SV2C: variants seen among roughly 807,000 people sequenced by gnomAD.
SV2C encodes the protein solute carrier family 22 member B3.
In SV2C, 49 loss-of-function variants were observed where a neutral mutation model predicts 79.7. The observed-to-expected ratio is 0.61, with a 90% confidence interval of 0.49 to 0.78. The LOEUF is 0.78. SV2C is among the 30% of genes least tolerant of loss of function. The probability of loss-of-function intolerance (pLI) is 0.00; values close to 1 mark genes in which losing one functional copy is unlikely to be tolerated. For missense variants in SV2C, 833 were observed against 912.9 expected (o/e 0.91, Z 1.13); for synonymous variants, 334 against 333.2 (o/e 1.00, Z -0.03).
exon 13 of SV2C, chr5:76,353,205 A>C (rs1471318848): frequency 2.5e-6 from 1 of 401,454 alleles, no homozygotes; most frequent in Non-Finnish European, 5.1e-6. Flanking sequence ...TCAGCCTCCC[A>C]AAGTTCTGGG....
chr5:76,203,980 A>G (rs952742221), intron 3 of SV2C, among the ~76,000 whole-genome samples: 3 of 152,202 alleles, frequency 2.0e-5, no homozygotes, highest in Non-Finnish European at 4.4e-5. Context: ...GATAGCAAAC[A>G]TGTGCCTTCT....
the SV2C span, among the ~76,000 whole-genome samples, chr5:75,998,066 T>C: frequency 6.6e-6 from 1 of 152,028 alleles, no homozygotes; most frequent in Non-Finnish European, 1.5e-5. Context: ...CTGCAAACCA[T>C]CATTCTCAGC....
intron 12 of SV2C, among the ~76,000 whole-genome samples, chr5:76,305,129 C>T (rs1488443621): frequency 6.6e-6 from 1 of 152,094 alleles, no homozygotes; most frequent in Non-Finnish European, 1.5e-5. Flanking sequence ...CTCACCATTG[C>T]GAGGACAGTA....
At chr5:76,179,175 T>C (rs1474380254) in intron 2 of SV2C, among the ~76,000 whole-genome samples, 1 of 152,194 alleles carries the variant, frequency 6.6e-6, no homozygotes, top group African/African-American at 2.4e-5. Context: ...ACTATGAATG[T>C]GCAGTTGAAG....
intron 2 of SV2C, among the ~76,000 whole-genome samples, chr5:76,175,814 G>A (rs572785271): frequency 1.3e-5 from 2 of 152,236 alleles, no homozygotes; most frequent in South Asian, 2.1e-4. Flanking sequence ...GAAAGCCAGC[G>A]TGTGTGTCCC....
chr5:76,291,239 C>T lies in SV2C; in HGVS notation c.1156C>T (p.Pro386Ser). The T allele has an allele frequency of 6.2e-7, 1 of 1,610,824 alleles. No individual in the cohort carries two copies. Among genetic ancestry groups the T allele is most frequent in the Non-Finnish European group, 8.5e-7 (1 of 1,178,986 alleles). ...KVFTVNKIKT[P>S]KQIDELIEIE... is the part of the protein sequence containing the mutation. Reference sequence around the variant, plus strand: ...TCTACAGGTAAACAAAATAAAAACTCCTAAACAAATAGATGAGCTGATTGA... The same window carrying T: ...TCTACAGGTAAACAAAATAAAAACTTCTAAACAAATAGATGAGCTGATTGA... The change falls in exon 7 of 13, where the codon CCT becomes TCT. Residue 386 changes from proline to serine, a missense_variant. Transcript: ENST00000502798.
At chr5:76,038,294 A>G in the SV2C span, among the ~76,000 whole-genome samples, 1 of 152,222 alleles carries the variant, frequency 6.6e-6, no homozygotes, top group South Asian at 2.1e-4. Context: ...GAGTGAATGG[A>G]TAAATGAAAG....
intron 2 of SV2C, among the ~76,000 whole-genome samples, chr5:76,167,106 G>A (rs773900724): frequency 4.6e-5 from 7 of 152,126 alleles, no homozygotes; most frequent in Non-Finnish European, 1.0e-4. Flanking sequence ...TTCATATTCT[G>A]TCATGCTACC....
At chr5:76,078,151 T>C in the SV2C span, among the ~76,000 whole-genome samples, 4 of 152,168 alleles carry the variant, frequency 2.6e-5, no homozygotes, top group African/African-American at 9.7e-5. Flanking sequence ...AAGAATGTTC[T>C]GGAAGTAGCA....
the SV2C span, among the ~76,000 whole-genome samples, chr5:76,049,040 G>A: frequency 4.5e-5 from 4 of 88,332 alleles, no homozygotes; most frequent in Non-Finnish European, 9.8e-5. Flanking sequence ...AAAAGAGGGA[G>A]GGAGGGGAGG....
chr5:75,904,503 G>A, the SV2C span, among the ~76,000 whole-genome samples: 1 of 151,938 alleles, frequency 6.6e-6, no homozygotes, highest in African/African-American at 2.4e-5. Flanking sequence ...GGTGCAAATT[G>A]ATCAGAGCTG....
At chr5:76,263,433 G>A (rs1028687506) in intron 4 of SV2C, among the ~76,000 whole-genome samples, 1 of 152,058 alleles carries the variant, frequency 6.6e-6, no homozygotes, top group Non-Finnish European at 1.5e-5. Flanking sequence ...GGCAGTCTGT[G>A]TCTTTTAACT....
At chr5:76,303,720 A>G (rs1042717338) in intron 12 of SV2C, among the ~76,000 whole-genome samples, 1 of 152,216 alleles carries the variant, frequency 6.6e-6, no homozygotes, top group African/African-American at 2.4e-5. Flanking sequence ...TTCTGTTGTC[A>G]GAAAGGTTAA....
the SV2C span, among the ~76,000 whole-genome samples, chr5:75,940,207 T>C: frequency 6.6e-6 from 1 of 151,922 alleles, no homozygotes; most frequent in African/African-American, 2.4e-5. Flanking sequence ...CTACAAAAAA[T>C]ACAAAAATTA....
intron 12 of SV2C, among the ~76,000 whole-genome samples, chr5:76,323,796 C>T (rs950208154): frequency 2.0e-5 from 3 of 152,158 alleles, no homozygotes; most frequent in Admixed American, 2.0e-4. Context: ...AACAGAAAAC[C>T]AAACACCGAT....
At chr5:76,281,268 A>T (rs1747185325) in intron 4 of SV2C, 13 of 508,704 alleles carry the variant, frequency 2.6e-5, no homozygotes, top group South Asian at 1.8e-4. Flanking sequence ...GATGACGATT[A>T]TTGAACTAAA....
At chr5:76,176,976 A>G (rs1330488718) in intron 2 of SV2C, among the ~76,000 whole-genome samples, 2 of 151,822 alleles carry the variant, frequency 1.3e-5, no homozygotes, top group Non-Finnish European at 2.9e-5. Flanking sequence ...TTAGCCGAGC[A>G]CGGTGGCGGG....
At chr5:75,874,636 T>C in the SV2C span, among the ~76,000 whole-genome samples, 3 of 152,170 alleles carry the variant, frequency 2.0e-5, no homozygotes, top group Non-Finnish European at 4.4e-5. Context: ...GCAGAGGGCA[T>C]GATTCTGTAT....
chr5:76,261,377 G>A (rs530955140), intron 4 of SV2C, among the ~76,000 whole-genome samples: 1 of 152,294 alleles, frequency 6.6e-6, no homozygotes, highest in South Asian at 2.1e-4. Flanking sequence ...ATACAAACAT[G>A]TCATCTGCAA....
Sources: gnomAD v4.1 joint callset for allele counts (sites outside exome capture counted in the v4.1 genomes callset) on GRCh38, gnomAD v4.1.1 for gene constraint, MANE v1.5 for transcripts, NCBI Gene and HGNC (gene_info 2026-07-23, HGNC 2026-07-21) for gene names.